Variants in TMEM108 observed in about 807,000 individuals in gnomAD.
TMEM108 encodes the protein cancer/testis antigen 124.
A neutral mutation model predicts 35.1 loss-of-function variants in TMEM108; 12 were observed. That is an observed-to-expected ratio of 0.34 (90% CI 0.22 to 0.55). The LOEUF (loss-of-function observed/expected upper bound fraction) is 0.55, where lower values mean the gene tolerates loss of function less well. Ranked by LOEUF, TMEM108 falls within the 20% of genes least tolerant of loss-of-function variation. The pLI, the probability that TMEM108 is intolerant of heterozygous loss-of-function variation, is 0.89. For synonymous variants in TMEM108, 287 were observed against 308.6 expected (o/e 0.93, Z 0.73); for missense variants, 680 against 753.3 (o/e 0.90, Z 1.14).
At chr3:133,054,743 G>A (rs1195483515) in intron 2 of TMEM108, among the ~76,000 whole-genome samples, 1 of 152,164 alleles carries the variant, frequency 6.6e-6, no homozygotes, top group Non-Finnish European at 1.5e-5. Flanking sequence ...AAGAATGATG[G>A]TCCTGGCTCT....
intron 2 of TMEM108, among the ~76,000 whole-genome samples, chr3:133,203,794 A>G (rs1945708514): frequency 6.6e-6 from 1 of 152,114 alleles, no homozygotes; most frequent in Admixed American, 6.5e-5. Context: ...TGGTATCAGG[A>G]TGATGTTGGC....
chr3:133,089,661 G>T (rs772994414), intron 2 of TMEM108, among the ~76,000 whole-genome samples: 1 of 152,166 alleles, frequency 6.6e-6, no homozygotes, highest in African/African-American at 2.4e-5. Flanking sequence ...CTTAATGATT[G>T]TCTACCTTCT....
At chr3:133,135,533 C>G (rs7648391) in intron 2 of TMEM108, among the ~76,000 whole-genome samples, 8,871 of 152,106 alleles carry the variant, frequency 0.058, 882 homozygotes, top group African/African-American at 0.2. Context: ...TGGGCTGTGA[C>G]GAGCCTTAAA....
intron 3 of TMEM108, among the ~76,000 whole-genome samples, chr3:133,348,375 C>T (rs1440625360): frequency 6.6e-6 from 1 of 152,126 alleles, no homozygotes; most frequent in Non-Finnish European, 1.5e-5. Flanking sequence ...CTTCATCACA[C>T]ACAGTATATC....
chr3:133,179,788 G>A (rs56135248), intron 2 of TMEM108, among the ~76,000 whole-genome samples: 29,804 of 151,262 alleles, frequency 0.2, 3,347 homozygotes, highest in East Asian at 0.48. Context: ...CACATGTACC[G>A]TAAAACTTAA....
intron 2 of TMEM108, among the ~76,000 whole-genome samples, chr3:133,197,923 G>T (rs1429152245): frequency 6.6e-6 from 1 of 152,128 alleles, no homozygotes; most frequent in Admixed American, 6.6e-5. Context: ...TCCATCTTTT[G>T]TCTACCACTA....
chr3:133,185,803 A>G (rs2107808752), intron 2 of TMEM108, among the ~76,000 whole-genome samples: 1 of 90,014 alleles, frequency 1.1e-5, no homozygotes, highest in South Asian at 3.4e-4. Context: ...TTTTTTTGAG[A>G]CAGAGTCTTG....
At chr3:133,237,873 A>C (rs1206691497) in intron 3 of TMEM108, among the ~76,000 whole-genome samples, 4 of 152,316 alleles carry the variant, frequency 2.6e-5, no homozygotes, top group Admixed American at 2.0e-4. Context: ...TTTGTTTTAC[A>C]GCTTTAACTT....
chr3:133,113,047 A>T (rs1944245123), intron 2 of TMEM108, among the ~76,000 whole-genome samples: 1 of 152,208 alleles, frequency 6.6e-6, no homozygotes, highest in Non-Finnish European at 1.5e-5. Context: ...TTTTCCTTGA[A>T]AAAAGAACCA....
chr3:133,298,019 T>G (rs1471670482), intron 3 of TMEM108, among the ~76,000 whole-genome samples: 3 of 152,166 alleles, frequency 2.0e-5, no homozygotes, highest in Non-Finnish European at 4.4e-5. Flanking sequence ...CTTTGATCTC[T>G]TTGTCCAGCC....
intron 3 of TMEM108, among the ~76,000 whole-genome samples, chr3:133,266,810 T>A (rs993731469): frequency 1.3e-5 from 2 of 151,174 alleles, no homozygotes; most frequent in East Asian, 3.9e-4. Context: ...TGGTGGCTCA[T>A]GCCTGTAATC....
chr3:133,299,673 T>C (rs1947192359), intron 3 of TMEM108, among the ~76,000 whole-genome samples: 1 of 152,162 alleles, frequency 6.6e-6, no homozygotes, highest in Admixed American at 6.5e-5. Context: ...CCACTGTTCT[T>C]CTTTGCTTAG....
At chr3:133,063,311 A>G (rs185080780) in intron 2 of TMEM108, among the ~76,000 whole-genome samples, 138 of 152,252 alleles carry the variant, frequency 9.1e-4, no homozygotes, top group Admixed American at 2.2e-3. Context: ...TCCCAGAATG[A>G]GGGAGAGTGG....
chr3:133,390,435 G>A lies in TMEM108; in HGVS notation c.1605+101G>A, dbSNP rs1404885115. 20 of 1,335,156 alleles carry A rather than the reference G, an allele frequency of 1.5e-5. No individual in the cohort carries two copies. In the East Asian group the frequency reaches 4.2e-4, roughly 28 times the overall value. 82.7% of individuals were successfully genotyped at this position (1,335,156 alleles called of 1,614,324 possible). ...CTGAGTGCCTTGCTCCTTAACGTATGGCCCATGGACCAGCAGTATCAATAA... is the reference window on the plus strand; with the variant it reads ...CTGAGTGCCTTGCTCCTTAACGTATAGCCCATGGACCAGCAGTATCAATAA... On this transcript the variant is annotated intron_variant, in intron 5 of 5. Coordinates refer to ENST00000321871, the MANE Select transcript of TMEM108 (RefSeq NM_023943.4).
At chr3:133,191,629 T>C (rs912464643) in intron 2 of TMEM108, among the ~76,000 whole-genome samples, 1 of 152,112 alleles carries the variant, frequency 6.6e-6, no homozygotes, top group East Asian at 1.9e-4. Flanking sequence ...GTAAAGAAAA[T>C]ATTCTCTCGT....
intron 2 of TMEM108, among the ~76,000 whole-genome samples, chr3:133,155,264 T>C (rs1247314906): frequency 1.3e-5 from 2 of 152,220 alleles, no homozygotes; most frequent in African/African-American, 4.8e-5. Flanking sequence ...CTATTGTTGT[T>C]GGCTATCTAG....
intron 2 of TMEM108, among the ~76,000 whole-genome samples, chr3:133,078,844 T>C (rs954975887): frequency 2.0e-5 from 3 of 152,188 alleles, no homozygotes; most frequent in African/African-American, 7.2e-5. Context: ...AAAAAGACTT[T>C]GAAGGGACTG....
chr3:133,200,440 G>A (rs1361013717), intron 2 of TMEM108, among the ~76,000 whole-genome samples: 1 of 152,176 alleles, frequency 6.6e-6, no homozygotes, highest in Non-Finnish European at 1.5e-5. Flanking sequence ...GCAGGCACTT[G>A]CTGTCCCTAG....
chr3:133,101,586 A>G (rs1186298065), intron 2 of TMEM108, among the ~76,000 whole-genome samples: 1 of 152,256 alleles, frequency 6.6e-6, no homozygotes, highest in Non-Finnish European at 1.5e-5. Flanking sequence ...CTGTTAAAAT[A>G]TAGTAGAAGC....
Sources: allele counts gnomAD v4.1 joint callset (sites outside exome capture counted in the v4.1 genomes callset), GRCh38; gene constraint gnomAD v4.1.1; transcripts MANE v1.5; gene names NCBI Gene and HGNC (gene_info 2026-07-23, HGNC 2026-07-21).